The following MYRIP variants were observed in gnomAD, a reference collection of about 807,000 sequenced individuals.
MYRIP encodes the protein myosin VIIA and Rab interacting protein.
A neutral mutation model predicts 98.0 loss-of-function variants in MYRIP; 49 were observed. The observed-to-expected ratio is 0.50, with a 90% CI of 0.40 to 0.63. MYRIP has a LOEUF of 0.63. Among genes scored for constraint, MYRIP ranks in the 30% least tolerant of loss-of-function variants. The pLI is 0.00. For synonymous variants in MYRIP, 404 were observed against 409.5 expected (o/e 0.99, Z 0.16); for missense variants, 1,004 against 1,058.2 (o/e 0.95, Z 0.71).
At chr3:40,212,810 C>G (rs957915385) in intron 11 of MYRIP, among the ~76,000 whole-genome samples, 1 of 151,846 alleles carries the variant, frequency 6.6e-6, no homozygotes, top group Non-Finnish European at 1.5e-5. Context: ...TCTGTGGTCC[C>G]AGTTACTCGA....
At chr3:40,098,269 G>T (rs570629367) in intron 3 of MYRIP, among the ~76,000 whole-genome samples, 1 of 152,280 alleles carries the variant, frequency 6.6e-6, no homozygotes, top group Non-Finnish European at 1.5e-5. Flanking sequence ...ATTTTTGCCA[G>T]AAAATGAGGC....
At chr3:40,068,794 A>G (rs1237633713) in intron 3 of MYRIP, among the ~76,000 whole-genome samples, 8 of 152,270 alleles carry the variant, frequency 5.3e-5, no homozygotes, top group African/African-American at 1.7e-4. Flanking sequence ...ATATTTTAGC[A>G]TGTTGTCTTT....
chr3:39,984,332 C>T (rs1199168208), intron 2 of MYRIP, among the ~76,000 whole-genome samples: 2 of 152,054 alleles, frequency 1.3e-5, no homozygotes, highest in African/African-American at 2.4e-5. Flanking sequence ...CCCACTAACT[C>T]GTCATCTAGC....
In MYRIP at chr3:40,167,060, C is replaced by A. The variant is rs1485280800; in HGVS notation, c.649-99C>A. ...CCCAGCAGCTCTGACTAGAGCAAGG[C>A]CCTCCCTCTGCTTTTGTGGTCAGGA... On this transcript the variant is annotated intron_variant, in intron 6 of 16. Coordinates refer to ENST00000302541, the MANE Select transcript of MYRIP (RefSeq NM_015460.4). 4 of 1,374,342 alleles carry A rather than the reference C, an allele frequency of 2.9e-6. No individual in the cohort carries two copies. The African/African-American group carries it at 5.7e-5, about 20-fold the overall frequency. The allele number at this position is 1,374,342 out of a possible 1,614,324, so 85.1% of individuals were successfully genotyped here.
At chr3:40,218,580 T>TACACACAC (rs775687543) in intron 11 of MYRIP, among the ~76,000 whole-genome samples, 702 of 14,652 alleles carry the variant, frequency 0.048, 10 homozygotes, top group Middle Eastern at 0.083. Context: ...CATACACATT[T>TACACACAC]ACACACACAC....
chr3:39,871,205 T>C (rs1160352787), intron 1 of MYRIP, among the ~76,000 whole-genome samples: 1 of 152,218 alleles, frequency 6.6e-6, no homozygotes, highest in Admixed American at 6.5e-5. Context: ...AGGAACATTA[T>C]AGAACACAGT....
At chr3:40,002,808 A>C (rs1050887594) in intron 2 of MYRIP, among the ~76,000 whole-genome samples, 1 of 152,126 alleles carries the variant, frequency 6.6e-6, no homozygotes, top group Non-Finnish European at 1.5e-5. Flanking sequence ...AGGTATTGCT[A>C]TATCTATAGT....
chr3:40,038,037 G>A (rs1575486001), intron 2 of MYRIP, among the ~76,000 whole-genome samples: 1 of 151,976 alleles, frequency 6.6e-6, no homozygotes, highest in Non-Finnish European at 1.5e-5. Context: ...AAACACATAT[G>A]GGGCTTTACA....
rs1317250226 is a variant in MYRIP, at chr3:40,250,289, G to C, written c.2330G>C (p.Arg777Pro). The C allele has an allele frequency of 3.1e-6, 5 of 1,614,082 alleles. No individual in the cohort carries two copies. Among genetic ancestry groups the C allele is most frequent in the Non-Finnish European group, 4.2e-6 (5 of 1,179,962 alleles). ...GGATTAAACATAGCACCATGTGTGC[G>C]CTTCACAAGAAGACGGGATCAGAAG... ...IAGLNIAPCVRFTRRRDQKQR... is the reference protein window; with the variant it reads ...IAGLNIAPCVPFTRRRDQKQR... Residue 777 changes from arginine to proline, a missense_variant, in exon 14 of 17, where the codon CGC (arginine) becomes CCC (proline). Physicochemically the swap from Arg to Pro is moderately radical, Grantham distance 103. Transcript: ENST00000302541.
At chr3:40,056,688 A>G (rs1947892032) in intron 3 of MYRIP, among the ~76,000 whole-genome samples, 1 of 152,240 alleles carries the variant, frequency 6.6e-6, no homozygotes, top group African/African-American at 2.4e-5. Context: ...AAACTTAAGC[A>G]CAAATAAGCT....
chr3:40,155,927 T>A (rs1950224967), intron 4 of MYRIP, among the ~76,000 whole-genome samples: 2 of 152,026 alleles, frequency 1.3e-5, no homozygotes, highest in Non-Finnish European at 2.9e-5. Flanking sequence ...AAAAATTTTC[T>A]CCCATTTTGT....
chr3:40,203,993 ATATATATTATATATTAT>A lies in MYRIP; in HGVS notation c.1666-5860_1666-5844del, dbSNP rs1951680051. Reference sequence around the variant, plus strand: ...ATATATATTATATATAATATATATTATATATATTATATATTATATATAATATATATTATATATATTAT... The same window carrying A: ...ATATATATTATATATAATATATATTAATATAATATATATTATATATATTAT... On this transcript the variant is annotated intron_variant, in intron 10 of 16. Transcript: ENST00000302541. Among the ~76,000 whole-genome samples the A allele has an allele frequency of 2.2e-3, 2 of 898 alleles. 1 individual carries two copies. The allele number at this position is 898 out of a possible 152,430, so 0.6% of individuals were successfully genotyped here. A position where few individuals can be genotyped will look rare whatever the true frequency, so the allele number is the denominator to read the frequency against.
intron 3 of MYRIP, among the ~76,000 whole-genome samples, chr3:40,074,384 T>C (rs1386046552): frequency 6.6e-6 from 1 of 152,112 alleles, no homozygotes; most frequent in Non-Finnish European, 1.5e-5. Flanking sequence ...TGCATTCTTA[T>C]GTCAAAGAAA....
intron 1 of MYRIP, among the ~76,000 whole-genome samples, chr3:39,873,387 G>A (rs1942869494): frequency 6.6e-6 from 1 of 152,048 alleles, no homozygotes; most frequent in African/African-American, 2.4e-5. Flanking sequence ...CATTGCTTTT[G>A]GTGTTTTAGA....
intron 11 of MYRIP, among the ~76,000 whole-genome samples, chr3:40,212,575 C>T (rs1429542861): frequency 6.6e-6 from 1 of 151,998 alleles, no homozygotes; most frequent in Non-Finnish European, 1.5e-5. Context: ...TTCAGACCAG[C>T]CTAGGCAACA....
At chr3:39,860,894 T>A (rs189738394) in intron 1 of MYRIP, among the ~76,000 whole-genome samples, 13 of 152,328 alleles carry the variant, frequency 8.5e-5, no homozygotes, top group Non-Finnish European at 1.5e-4. Context: ...GCCCCATACC[T>A]GCCAGCACCC....
intron 3 of MYRIP, among the ~76,000 whole-genome samples, chr3:40,075,003 G>A (rs951575764): frequency 6.6e-6 from 1 of 152,128 alleles, no homozygotes; most frequent in Non-Finnish European, 1.5e-5. Context: ...AAAAGGACAT[G>A]TGAAATAAGT....
At chr3:39,900,967 A>C (rs745818399) in intron 2 of MYRIP, 41 bp downstream of exon 2, 4 of 1,484,348 alleles carry the variant, frequency 2.7e-6, no homozygotes, top group South Asian at 1.1e-5. Flanking sequence ...AGCAAACCAC[A>C]TGTGGACAAG....
At chr3:40,059,441 T>A (rs6773824) in intron 3 of MYRIP, among the ~76,000 whole-genome samples, 44,170 of 152,040 alleles carry the variant, frequency 0.29, 6,499 homozygotes, top group East Asian at 0.36. Flanking sequence ...CTCTCCAGCA[T>A]CTGTTGTTTC....
Sources: gnomAD v4.1 joint callset for allele counts (sites outside exome capture counted in the v4.1 genomes callset) on GRCh38, gnomAD v4.1.1 for gene constraint, MANE v1.5 for transcripts, NCBI Gene and HGNC (gene_info 2026-07-23, HGNC 2026-07-21) for gene names.